The following SLC5A4 variants were observed in gnomAD, a reference collection of about 807,000 sequenced individuals.
SLC5A4 encodes solute carrier family 5 member 4.
Under a neutral mutation model 70.3 loss-of-function variants are expected in SLC5A4, and 55 were observed. The ratio of observed to expected loss-of-function variants is 0.78; its 90% confidence interval spans 0.63 to 0.98. The LOEUF is 0.98. Ranked by LOEUF, SLC5A4 falls within the 50% of genes least tolerant of loss-of-function variation. The probability of loss-of-function intolerance (pLI) is 0.00; values close to 1 mark genes in which losing one functional copy is unlikely to be tolerated. For synonymous variants in SLC5A4, 268 were observed against 305.7 expected, an observed-to-expected ratio of 0.88 and a Z score of 1.29; for missense variants, 735 against 839.2, an observed-to-expected ratio of 0.88 and a Z score of 1.53.
upstream of SLC5A4, among the ~76,000 whole-genome samples, chr22:32,257,366 T>C (rs567997130): frequency 1.3e-5 from 2 of 152,332 alleles, no homozygotes; most frequent in Non-Finnish European, 2.9e-5. Flanking sequence ...TTCCTTTTTA[T>C]TTCTCAGAGA....
At chr22:32,325,605 G>A in the SLC5A4 span, among the ~76,000 whole-genome samples, 1 of 152,234 alleles carries the variant, frequency 6.6e-6, no homozygotes, top group Non-Finnish European at 1.5e-5. Context: ...AGGCTGTGGG[G>A]AGTTGACATA....
At chr22:32,328,834 T>C in the SLC5A4 span, among the ~76,000 whole-genome samples, 1 of 152,120 alleles carries the variant, frequency 6.6e-6, no homozygotes, top group Non-Finnish European at 1.5e-5. Context: ...AGAGGGAGGA[T>C]CTTGGAGATT....
rs1270648952 is a variant in SLC5A4, at chr22:32,239,547, TA to T, written c.478-458del. Among the ~76,000 whole-genome samples the T allele has an allele frequency of 3.0e-3, 40 of 13,164 alleles. 4 individuals are homozygous for T. The highest frequency in any genetic ancestry group is 0.014 in the East Asian group (11 of 792). 8.6% of individuals were successfully genotyped at this position (13,164 alleles called of 152,430 possible). ...ATATATATATATATATATATATATATATATATATATATATATATATATTTAT... is the reference window on the plus strand; with the variant it reads ...ATATATATATATATATATATATATATTATATATATATATATATATATTTAT... On this transcript the variant is annotated intron_variant, in intron 5 of 14. Coordinates refer to ENST00000266086, the MANE Select transcript of SLC5A4 (RefSeq NM_014227.3).
At chr22:32,308,768 ATG>A in the SLC5A4 span, among the ~76,000 whole-genome samples, 3 of 68,182 alleles carry the variant, frequency 4.4e-5, no homozygotes, top group South Asian at 5.2e-4. Flanking sequence ...AATCACATGT[ATG>A]TGTGTGAGGG....
At chr22:32,241,468 A>C (rs1383615543) in intron 5 of SLC5A4, among the ~76,000 whole-genome samples, 2 of 152,176 alleles carry the variant, frequency 1.3e-5, no homozygotes, top group Non-Finnish European at 2.9e-5. Context: ...ACTGCAAATA[A>C]GTTCTGAATT....
the SLC5A4 span, among the ~76,000 whole-genome samples, chr22:32,310,465 G>C: frequency 6.6e-6 from 1 of 152,024 alleles, no homozygotes; most frequent in East Asian, 2.0e-4. Flanking sequence ...GGCTGCCCCA[G>C]CTGGGCTAGC....
At chr22:32,310,197 G>A in the SLC5A4 span, among the ~76,000 whole-genome samples, 4 of 152,100 alleles carry the variant, frequency 2.6e-5, no homozygotes, top group Admixed American at 6.5e-5. Context: ...GTCCAGGAGA[G>A]GGAGGCAAGG....
the SLC5A4 span, chr22:32,270,671 T>C: frequency 2.8e-6 from 2 of 707,716 alleles, no homozygotes. Flanking sequence ...CAAGTGTCGC[T>C]GCTGGGCATC....
chr22:32,310,162 T>C, the SLC5A4 span, among the ~76,000 whole-genome samples: 783 of 152,114 alleles, frequency 5.1e-3, 2 homozygotes, highest in Non-Finnish European at 7.5e-3. Flanking sequence ...CTCTGTCTGT[T>C]TGGCAGTGAC....
chr22:32,315,298 A>G, the SLC5A4 span, among the ~76,000 whole-genome samples: 1 of 152,202 alleles, frequency 6.6e-6, no homozygotes, highest in African/African-American at 2.4e-5. Flanking sequence ...ACTGGCATAA[A>G]TAATAAAAAG....
At chr22:32,237,731 T>C (rs1926146253) in intron 6 of SLC5A4, among the ~76,000 whole-genome samples, 1 of 152,218 alleles carries the variant, frequency 6.6e-6, no homozygotes, top group African/African-American at 2.4e-5. Context: ...TTTCATTAAT[T>C]CAGTACCAGA....
chr22:32,224,455 G>A lies in SLC5A4; in HGVS notation c.1477C>T (p.Leu493Phe), dbSNP rs1925277969. 1.2e-6 allele frequency: 2 copies of A among 1,613,876 alleles called. No homozygotes were observed. The highest frequency in any genetic ancestry group is 2.7e-5 in the African/African-American group (2 of 74,904). Residue 493 changes from leucine (L) to phenylalanine (F), a missense_variant, in exon 13 of 15, where the codon CTT becomes TTT. Leu to Phe is a conservative substitution (Grantham distance 22). Transcript: ENST00000266086. ...ATCATACGAATGAGGCCCATTGCAA[G>A]TCCAACCATTAGACCCCAGAATGCT... ...QGAFWGLMVG[L>F]AMGLIRMITE...
At chr22:32,337,995 C>T in the SLC5A4 span, among the ~76,000 whole-genome samples, 3 of 144,294 alleles carry the variant, frequency 2.1e-5, no homozygotes, top group South Asian at 2.3e-4. Flanking sequence ...AAAATTCCTA[C>T]AGCTTGAACT....
chr22:32,278,585 T>C, the SLC5A4 span, among the ~76,000 whole-genome samples: 1 of 152,226 alleles, frequency 6.6e-6, no homozygotes, highest in Non-Finnish European at 1.5e-5. Flanking sequence ...GGGAAAATAT[T>C]CTGAAGTTTC....
rs531193210 is a variant in SLC5A4 at position 32,234,660 on chromosome 22, C to T, written c.885+213G>A. ...GTTGCAGTGAGCTGAGATCATGCCA[C>T]TGCACTCCAGCCTGGGTGACAGAGT... is the stretch of plus-strand genomic sequence containing the variant. On this transcript the variant is annotated intron_variant, in intron 8 of 14. Transcript: ENST00000266086. 1.2e-3 allele frequency among the ~76,000 whole-genome samples: 176 copies of T among 152,248 alleles called. 1 individual carries two copies. Among genetic ancestry groups the T allele is most frequent in the Non-Finnish European group, 2.2e-3 (152 of 68,026 alleles).
the SLC5A4 span, among the ~76,000 whole-genome samples, chr22:32,264,218 C>T: frequency 2.9e-3 from 445 of 152,014 alleles, 6 homozygotes; most frequent in African/African-American, 0.01. Context: ...AAGAAATTGT[C>T]GTGAGACCAC....
At chr22:32,312,365 GCACACACA>G in the SLC5A4 span, among the ~76,000 whole-genome samples, 253 of 102,210 alleles carry the variant, frequency 2.5e-3, 3 homozygotes, top group South Asian at 0.011. Context: ...ACGCGCGCGC[GCACACACA>G]CACACACACA....
At chr22:32,255,069 AG>A in intron 1 of SLC5A4, 125 bp downstream of exon 1, 1 of 923,538 alleles carries the variant, frequency 1.1e-6, no homozygotes, top group South Asian at 1.5e-5. Context: ...GCAACACACA[AG>A]AAAATGATTC....
the SLC5A4 span, among the ~76,000 whole-genome samples, chr22:32,318,517 A>G: frequency 6.6e-6 from 1 of 151,832 alleles, no homozygotes; most frequent in Non-Finnish European, 1.5e-5. Flanking sequence ...GTCATCTTTG[A>G]CCCCTCTTTT....
Sources: allele counts gnomAD v4.1 joint callset (sites outside exome capture counted in the v4.1 genomes callset), GRCh38; gene constraint gnomAD v4.1.1; transcripts MANE v1.5; gene names NCBI Gene and HGNC (gene_info 2026-07-23, HGNC 2026-07-21).